FNBP1L: variants seen among roughly 807,000 people sequenced by gnomAD.
FNBP1L encodes the protein formin binding protein 1 like, also known as formin-binding protein 1-like.
In FNBP1L, 36 loss-of-function variants were observed where a neutral mutation model predicts 91.2. The ratio of observed to expected loss-of-function variants is 0.39; its 90% confidence interval spans 0.30 to 0.52. The LOEUF (loss-of-function observed/expected upper bound fraction) is 0.52. Among genes scored for constraint, FNBP1L ranks in the 20% least tolerant of loss-of-function variants. FNBP1L has a pLI of 0.66. For missense variants in FNBP1L, 571 were observed against 732.1 expected (o/e 0.78, Z 2.54); for synonymous variants, 242 against 237.0 (o/e 1.02, Z -0.19).
chr1:93,523,246 A>T, intron 3 of FNBP1L, 98 bp from the exon 4 acceptor site: 1 of 1,228,304 alleles, frequency 8.1e-7, no homozygotes, highest in Non-Finnish European at 1.1e-6. Context: ...TAGGTTGAAT[A>T]TGCTAAAATT....
At chr1:93,508,365 G>A (rs554956776) in intron 2 of FNBP1L, among the ~76,000 whole-genome samples, 9 of 152,124 alleles carry the variant, frequency 5.9e-5, no homozygotes, top group East Asian at 1.9e-4. Flanking sequence ...ATAAATTGAT[G>A]TGTCTTCTTT....
At chr1:93,448,834 A>G (rs189836351) in intron 1 of FNBP1L, among the ~76,000 whole-genome samples, 237 of 152,080 alleles carry the variant, frequency 1.6e-3, no homozygotes, top group Non-Finnish European at 2.5e-3. Flanking sequence ...CGCCCCAGGT[A>G]TGGGGACCCA....
rs1330918653 is a variant in FNBP1L at position 93,541,153 on chromosome 1, C to T, written c.1164+97C>T. On this transcript the variant is annotated intron_variant, in intron 11 of 16. Transcript: ENST00000271234. ...AAAACAAGTGGTAAATTACATCCCA[C>T]GTTTTCACCTTGTGTGTTTTTTCTT... 12 of 1,151,626 alleles carry T rather than the reference C, an allele frequency of 1.0e-5. 1 individual carries two copies. Among genetic ancestry groups the T allele is most frequent in the Non-Finnish European group, 7.5e-6 (6 of 802,722 alleles). 71.3% of individuals were successfully genotyped at this position (1,151,626 alleles called of 1,614,324 possible).
intron 5 of FNBP1L, among the ~76,000 whole-genome samples, chr1:93,525,170 C>G (rs1671455454): frequency 1.3e-5 from 2 of 151,824 alleles, no homozygotes; most frequent in South Asian, 4.2e-4. Context: ...GCATATTTCT[C>G]TGGTGGACAC....
chr1:93,532,714 GCCTTA>G (rs1159030437), intron 7 of FNBP1L, among the ~76,000 whole-genome samples: 2 of 152,024 alleles, frequency 1.3e-5, no homozygotes, highest in Non-Finnish European at 2.9e-5. Flanking sequence ...AATACTAAGT[GCCTTA>G]CTATTTTTTT....
At chr1:93,509,490 C>T (rs1000432733) in intron 2 of FNBP1L, among the ~76,000 whole-genome samples, 1 of 152,170 alleles carries the variant, frequency 6.6e-6, no homozygotes, top group Non-Finnish European at 1.5e-5. Context: ...AAATGCATTT[C>T]CACAAGCTGT....
chr1:93,488,126 A>G (rs1258944383), intron 1 of FNBP1L, among the ~76,000 whole-genome samples: 3 of 152,266 alleles, frequency 2.0e-5, no homozygotes, highest in South Asian at 2.1e-4. Context: ...TTTTGTTAAC[A>G]TTACCTTCGG....
intron 1 of FNBP1L, among the ~76,000 whole-genome samples, chr1:93,449,227 C>T (rs368279567): frequency 2.6e-5 from 4 of 152,104 alleles, no homozygotes; most frequent in Admixed American, 2.0e-4. Flanking sequence ...AGAATTTGCT[C>T]CTGGCGCCGG....
chr1:93,512,752 C>G (rs1248655214), intron 2 of FNBP1L, among the ~76,000 whole-genome samples: 4 of 151,926 alleles, frequency 2.6e-5, no homozygotes, highest in Admixed American at 2.6e-4. Context: ...ATACCAGAGT[C>G]TCTGGGACGC....
In FNBP1L at chr1:93,462,092, A is replaced by G. The variant is rs552198199; in HGVS notation, c.24+13787A>G. 1.7e-3 allele frequency among the ~76,000 whole-genome samples: 259 copies of G among 152,328 alleles called. 1 individual carries two copies. The highest frequency in any genetic ancestry group is 3.4e-3 in the Middle Eastern group (1 of 294). Reference sequence around the variant, plus strand: ...TTGACCTGACTCAAGACAGATGAGAAGATACTTTAGGGACTGAGGAAAGAG... The same window carrying G: ...TTGACCTGACTCAAGACAGATGAGAGGATACTTTAGGGACTGAGGAAAGAG... On this transcript the variant is annotated intron_variant, in intron 1 of 16. Transcript: ENST00000271234.
chr1:93,509,794 C>T (rs1670757579), intron 2 of FNBP1L, among the ~76,000 whole-genome samples: 1 of 152,218 alleles, frequency 6.6e-6, no homozygotes, highest in Non-Finnish European at 1.5e-5. Flanking sequence ...CATTGCCTCA[C>T]TCGGGAAGCG....
chr1:93,547,536 T>A, intron 14 of FNBP1L, 95 bp downstream of exon 14: 1 of 1,057,486 alleles, frequency 9.5e-7, no homozygotes, highest in South Asian at 1.7e-5. Flanking sequence ...CTTCCAAATT[T>A]AACAAGTTAA....
intron 2 of FNBP1L, among the ~76,000 whole-genome samples, chr1:93,504,811 C>A (rs1670553110): frequency 6.6e-6 from 1 of 152,066 alleles, no homozygotes; most frequent in African/African-American, 2.4e-5. Flanking sequence ...TTTAGGAGTT[C>A]TTTGTATATT....
rs569331814 is a variant in FNBP1L, at chr1:93,522,078, A to G, written c.141-4A>G. ...ATAAACTTTAAAAAATCTTCTTCCT[A>G]TAGAAATCTGGTTAAGAAGTACTGC... On this transcript the variant is annotated splice_polypyrimidine_tract_variant and splice_region_variant and intron_variant, in intron 2 of 16. Transcript: ENST00000271234. 197 of 1,507,982 alleles carry G rather than the reference A, an allele frequency of 1.3e-4. 1 individual carries two copies. In the South Asian group the frequency reaches 2.0e-3, roughly 15 times the overall value. 93.4% of individuals were successfully genotyped at this position (1,507,982 alleles called of 1,614,324 possible). A position where few individuals can be genotyped will look rare whatever the true frequency, so the allele number is the denominator to read the frequency against.
intron 2 of FNBP1L, among the ~76,000 whole-genome samples, chr1:93,516,893 G>A (rs747148918): frequency 2.6e-5 from 4 of 152,094 alleles, no homozygotes; most frequent in East Asian, 3.9e-4. Flanking sequence ...TAACCACACC[G>A]TTAAATCACC....
intron 2 of FNBP1L, among the ~76,000 whole-genome samples, chr1:93,518,509 A>T (rs1671207930): frequency 6.6e-6 from 1 of 152,230 alleles, no homozygotes; most frequent in Non-Finnish European, 1.5e-5. Flanking sequence ...AAGGTGGGAG[A>T]AAGTGTAGGA....
chr1:93,466,153 C>A lies in FNBP1L; in HGVS notation c.24+17848C>A, dbSNP rs554784035. Among the ~76,000 whole-genome samples the A allele has an allele frequency of 3.9e-5, 6 of 152,036 alleles. No individual in the cohort carries two copies. The East Asian group carries it at 1.2e-3, about 30-fold the overall frequency. Reference sequence around the variant, plus strand: ...AAATTTTCTCCCGTTCTGTAGGTTGCCTGTTCACTCTGATTGTAGTTTCTT... The same window carrying A: ...AAATTTTCTCCCGTTCTGTAGGTTGACTGTTCACTCTGATTGTAGTTTCTT... On this transcript the variant is annotated intron_variant, in intron 1 of 16. Transcript: ENST00000271234.
At chr1:93,543,902 CTCTTT>C (rs1290862620) in intron 11 of FNBP1L, 200 bp from the exon 12 acceptor site, 8 of 309,440 alleles carry the variant, frequency 2.6e-5, no homozygotes, top group Admixed American at 1.5e-4. Context: ...GAAATTTGAG[CTCTTT>C]TCTTCAGTAC....
rs1439252432 is a variant in FNBP1L at position 93,534,981 on chromosome 1, A to C, written c.990+73A>C. The stretch of plus-strand genomic sequence containing the variant: ...CTAAAACAATGTGGGTATTGAATGC[A>C]AAATGATTTACCATTAATGGAGAAT... On this transcript the variant is annotated intron_variant, in intron 9 of 16. Coordinates refer to ENST00000271234, the MANE Select transcript of FNBP1L (RefSeq NM_001164473.3). 7 of 1,182,116 alleles carry C rather than the reference A, an allele frequency of 5.9e-6. No individual in the cohort carries two copies. The African/African-American group carries it at 1.1e-4, about 18-fold the overall frequency. The allele number at this position is 1,182,116 out of a possible 1,614,324, so 73.2% of individuals were successfully genotyped here.
Sources: allele counts gnomAD v4.1 joint callset (sites outside exome capture counted in the v4.1 genomes callset), GRCh38; gene constraint gnomAD v4.1.1; transcripts MANE v1.5; gene names NCBI Gene and HGNC (gene_info 2026-07-23, HGNC 2026-07-21).